The following LRP1B variants were observed in gnomAD, a reference collection of about 807,000 sequenced individuals.
LRP1B encodes low-density lipoprotein receptor-related protein 1B.
A neutral mutation model predicts 556.6 loss-of-function variants in LRP1B; 217 were observed. The ratio of observed to expected loss-of-function variants is 0.39; its 90% CI spans 0.35 to 0.44. LRP1B has a LOEUF of 0.44. LRP1B is among the 20% of genes least tolerant of loss of function. The pLI, the probability that LRP1B is intolerant of heterozygous loss-of-function variation, is 1.00. For missense variants in LRP1B, 5,053 were observed against 5,620.8 expected, an observed-to-expected ratio of 0.90 and a Z score of 3.23; for synonymous variants, 2,047 against 1,865.8, an observed-to-expected ratio of 1.10 and a Z score of -2.50.
chr2:140,236,790 A>G (rs1237245144), intron 89 of LRP1B, among the ~76,000 whole-genome samples: 2 of 150,970 alleles, frequency 1.3e-5, no homozygotes, highest in Admixed American at 6.6e-5. Context: ...TTGATAATAA[A>G]GTACTGTACT....
At chr2:141,336,465 C>T (rs181399054) in intron 3 of LRP1B, among the ~76,000 whole-genome samples, 3 of 152,214 alleles carry the variant, frequency 2.0e-5, no homozygotes, top group Non-Finnish European at 2.9e-5. Flanking sequence ...TTCATAAATC[C>T]CTTTTCCCTT....
chr2:141,583,640 T>C (rs565707003), intron 2 of LRP1B, among the ~76,000 whole-genome samples: 1 of 151,682 alleles, frequency 6.6e-6, no homozygotes, highest in East Asian at 1.9e-4. Flanking sequence ...ATATACAATA[T>C]AAAATAATTA....
In LRP1B at chr2:140,335,689, A is replaced by G; in HGVS notation, c.12042T>C (p.Asn4014=). ...LRYSINVGQL[N]GPNCTRLLTN... ...TTAAGAGTCTGGTGCAGTTGGGGCCATTCAGCTGCCCTACGTTGATAGAGT... is the reference window on the plus strand; with the variant it reads ...TTAAGAGTCTGGTGCAGTTGGGGCCGTTCAGCTGCCCTACGTTGATAGAGT... Residue 4014 remains asparagine, a synonymous_variant, in exon 78 of 91, where the codon AAT becomes AAC. Coordinates refer to ENST00000389484, the MANE Select transcript of LRP1B (RefSeq NM_018557.3). The G allele has an allele frequency of 6.2e-7, 1 of 1,612,644 alleles. No homozygotes were observed. Among genetic ancestry groups the G allele is most frequent in the East Asian group, 2.2e-5 (1 of 44,806 alleles).
intron 7 of LRP1B, among the ~76,000 whole-genome samples, chr2:141,136,255 G>T (rs1367390419): frequency 6.6e-6 from 1 of 151,822 alleles, no homozygotes; most frequent in African/African-American, 2.4e-5. Context: ...CTGGAAAATA[G>T]AACAAAATAG....
chr2:140,770,297 T>C (rs962952055), intron 34 of LRP1B, among the ~76,000 whole-genome samples: 1 of 151,914 alleles, frequency 6.6e-6, no homozygotes, highest in South Asian at 2.1e-4. Context: ...TATATAGATA[T>C]TTCTCAAATA....
intron 58 of LRP1B, among the ~76,000 whole-genome samples, chr2:140,486,321 T>C (rs896448701): frequency 2.0e-5 from 3 of 151,978 alleles, no homozygotes; most frequent in South Asian, 4.1e-4. Context: ...AAGATACAAA[T>C]GAAAGTGGCA....
chr2:141,875,662 C>T (rs72994959), intron 1 of LRP1B, among the ~76,000 whole-genome samples: 4 of 151,820 alleles, frequency 2.6e-5, no homozygotes, highest in Admixed American at 6.6e-5. Context: ...AGAATGAAAG[C>T]GATTACTTAT....
chr2:141,252,266 A>G, intron 4 of LRP1B, among the ~76,000 whole-genome samples: 1 of 151,958 alleles, frequency 6.6e-6, no homozygotes, highest in African/African-American at 2.4e-5. Flanking sequence ...AAAGGAAAAC[A>G]TTCAGTGAAT....
At chr2:141,384,974 C>T (rs1184955586) in intron 3 of LRP1B, among the ~76,000 whole-genome samples, 1 of 152,162 alleles carries the variant, frequency 6.6e-6, no homozygotes, top group Non-Finnish European at 1.5e-5. Context: ...GCCTCCAACG[C>T]TCTGGTCCCC....
At chr2:141,380,133 C>T (rs532570902) in intron 3 of LRP1B, among the ~76,000 whole-genome samples, 1 of 152,076 alleles carries the variant, frequency 6.6e-6, no homozygotes, top group African/African-American at 2.4e-5. Flanking sequence ...CCAGCACTCA[C>T]TAGTCCCCCA....
chr2:141,108,334 C>CT (rs60275697), intron 7 of LRP1B, among the ~76,000 whole-genome samples: 13,723 of 87,006 alleles, frequency 0.16, 2,739 homozygotes, highest in Non-Finnish European at 0.2. Flanking sequence ...TAATCTGTTT[C>CT]TTTTTTTTTT....
chr2:141,863,619 T>C (rs1414399443), intron 1 of LRP1B, among the ~76,000 whole-genome samples: 1 of 152,214 alleles, frequency 6.6e-6, no homozygotes, highest in Non-Finnish European at 1.5e-5. Context: ...TATTTTGGCA[T>C]CTATTGTATC....
intron 60 of LRP1B, among the ~76,000 whole-genome samples, chr2:140,462,277 T>A (rs1687356878): frequency 6.6e-6 from 1 of 152,218 alleles, no homozygotes; most frequent in Non-Finnish European, 1.5e-5. Context: ...GTCACCTTAT[T>A]TTTAATCCCT....
chr2:141,990,176 C>T (rs1044575104), intron 1 of LRP1B, among the ~76,000 whole-genome samples: 1 of 151,966 alleles, frequency 6.6e-6, no homozygotes, highest in Non-Finnish European at 1.5e-5. Context: ...TACCAACTGA[C>T]GTGAAACAAA....
intron 43 of LRP1B, among the ~76,000 whole-genome samples, chr2:140,562,629 T>C (rs1401132019): frequency 1.3e-5 from 2 of 152,130 alleles, no homozygotes; most frequent in Non-Finnish European, 1.5e-5. Flanking sequence ...TTTATTTATT[T>C]ATTTATTTTG....
At chr2:140,353,404 C>T (rs1235900193) in intron 75 of LRP1B, among the ~76,000 whole-genome samples, 19 of 152,036 alleles carry the variant, frequency 1.2e-4, no homozygotes, top group African/African-American at 4.6e-4. Flanking sequence ...GATACAAGTG[C>T]AGGTTTGCTA....
At chr2:140,498,411 T>C (rs183832217) in intron 55 of LRP1B, among the ~76,000 whole-genome samples, 1 of 152,046 alleles carries the variant, frequency 6.6e-6, no homozygotes, top group Admixed American at 6.6e-5. Context: ...TATTTTTACA[T>C]GGTAAATTAT....
At chr2:140,289,730 G>A (rs538980917) in intron 84 of LRP1B, among the ~76,000 whole-genome samples, 11 of 149,982 alleles carry the variant, frequency 7.3e-5, no homozygotes, top group African/African-American at 1.5e-4. Context: ...AATAATCTAC[G>A]GTAAAAGAAT....
intron 2 of LRP1B, among the ~76,000 whole-genome samples, chr2:141,662,963 T>TAA (rs70994444): frequency 9.3e-5 from 14 of 149,792 alleles, no homozygotes; most frequent in South Asian, 8.5e-4. Flanking sequence ...AAAAAATAAA[T>TAA]AAAAAAAAAG....
Sources: allele counts gnomAD v4.1 joint callset (sites outside exome capture counted in the v4.1 genomes callset), GRCh38; gene constraint gnomAD v4.1.1; transcripts MANE v1.5; gene names NCBI Gene and HGNC (gene_info 2026-07-23, HGNC 2026-07-21).